The following FAAP100 variants were observed in gnomAD, a reference collection of about 807,000 sequenced individuals.
FAAP100 encodes FA core complex associated protein 100.
In FAAP100, 46 loss-of-function variants were observed where a neutral mutation model predicts 65.8. That is an observed-to-expected ratio of 0.70 (90% CI 0.55 to 0.89). The LOEUF is 0.89. FAAP100 is among the 40% of genes least tolerant of loss of function. The pLI is 0.00. For synonymous variants in FAAP100, 663 were observed against 555.1 expected (o/e 1.19, Z -2.73); for missense variants, 1,165 against 1,196.7 (o/e 0.97, Z 0.39).
At position 81,547,558 on chromosome 17, in the gene FAAP100, G is replaced by A. The variant is rs1364449855; in HGVS notation, c.1524C>T (p.Cys508=). Residue 508 remains cysteine (C), a synonymous_variant, in exon 5 of 9, where the codon TGC becomes TGT. Coordinates refer to ENST00000327787, the MANE Select transcript of FAAP100 (RefSeq NM_025161.6). ...GGCGGCTCCAGGTGGTGCTGGTGGT[G>A]CAGGAGATGGGTCTGGGGCCCGTGC... ...SSGTGPRPIS[C]TTSTTWSRLQ... 2.5e-6 allele frequency: 4 copies of A among 1,613,338 alleles called. No individual in the cohort carries two copies. The highest frequency in any genetic ancestry group is 1.7e-5 in the Admixed American group (1 of 60,014).
At chr17:81,545,708 G>A in intron 6 of FAAP100, 38 bp downstream of exon 6, 1 of 1,588,210 alleles carries the variant, frequency 6.3e-7, no homozygotes, top group Non-Finnish European at 8.6e-7. Flanking sequence ...CCCAAGAACT[G>A]CTGGTGCCGT....
In FAAP100 at chr17:81,549,325, G is replaced by A; in HGVS notation, c.1284C>T (p.Arg428=). The A allele has an allele frequency of 6.2e-7, 1 of 1,612,032 alleles. No homozygotes were observed. The highest frequency in any genetic ancestry group is 8.5e-7 in the Non-Finnish European group (1 of 1,179,550). Residue 428 remains arginine (R), a synonymous_variant, in exon 4 of 9, where the codon CGC becomes CGT. Transcript: ENST00000327787. ...CCAGGTCCAGGCTGCAGGTCATCAG[G>A]CGGCCTTTGGCGGACAGGGCCAGGA... ...TKLLALSAKG[R]LMTCSLDLDS...
rs779005382 is a variant in FAAP100 at position 81,552,035 on chromosome 17, G to A, written c.183C>T (p.Pro61=). The part of the protein sequence containing the change: ...GGLLTAAFRF[P]DQVWHLELLA... ...GCAGCTCCAGGTGCCACACCTGGTC[G>A]GGGAACCGGAACGCCGCCTGCGGAC... Residue 61 remains proline, a synonymous_variant, in exon 2 of 9, where the codon CCC becomes CCT. Coordinates refer to ENST00000327787, the MANE Select transcript of FAAP100 (RefSeq NM_025161.6). 6.5e-6 allele frequency: 10 copies of A among 1,536,080 alleles called. No homozygotes were observed. In the East Asian group the frequency reaches 1.6e-4, roughly 24 times the overall value.
intron 6 of FAAP100, among the ~76,000 whole-genome samples, chr17:81,544,701 C>G (rs779316222): frequency 3.3e-5 from 5 of 152,210 alleles, no homozygotes; most frequent in Non-Finnish European, 7.3e-5. Context: ...ACACACAGCA[C>G]AAGAGGTGAG....
chr17:81,540,213 A>T lies in FAAP100; in HGVS notation c.*606T>A. On this transcript the variant is annotated 3_prime_UTR_variant, in exon 9 of 9. Coordinates refer to ENST00000327787, the MANE Select transcript of FAAP100 (RefSeq NM_025161.6). Reference sequence around the variant, plus strand: ...TGGCCCTTCCTTGGTGTGGCACGAGACCACGGGCACTTGCAGGAGCTCCCT... The same window carrying T: ...TGGCCCTTCCTTGGTGTGGCACGAGTCCACGGGCACTTGCAGGAGCTCCCT... 1 of 398,982 alleles carries T rather than the reference A, an allele frequency of 2.5e-6. No homozygotes were observed. The highest frequency in any genetic ancestry group is 3.6e-5 in the East Asian group (1 of 28,072). 24.7% of individuals were successfully genotyped at this position (398,982 alleles called of 1,614,324 possible).
Position 81,547,137 on chromosome 17 carries a change from T to A in FAAP100, c.1945A>T (p.Met649Leu). 6.5e-7 allele frequency: 1 copy of A among 1,533,970 alleles called. No individual in the cohort carries two copies. Among genetic ancestry groups the A allele is most frequent in the Non-Finnish European group, 8.8e-7 (1 of 1,139,498 alleles). ...CCAGGGAAGCGCAGACACTGCAGCA[T>A]GTCCACTGTGTGCCTGCTCAGGGGC... is the stretch of plus-strand genomic sequence containing the variant. Reference protein sequence around the residue: ...CLPLSRHTVDMLQCLRFPGLA... With the variant: ...CLPLSRHTVDLLQCLRFPGLA... Residue 649 changes from methionine to leucine, a missense_variant, in exon 5 of 9, where the codon ATG becomes TTG. Coordinates refer to ENST00000327787, the MANE Select transcript of FAAP100 (RefSeq NM_025161.6).
chr17:81,545,716 C>T (rs746461937), intron 6 of FAAP100, 30 bp downstream of exon 6: 16 of 1,594,256 alleles, frequency 1.0e-5, no homozygotes, highest in South Asian at 7.9e-5. Context: ...CTGCTGGTGC[C>T]GTGGCTCGTT....
intron 4 of FAAP100, 132 bp downstream of exon 4, chr17:81,549,060 AAAAAAAAAAAAAAG>A (rs1268705857): frequency 5.4e-6 from 4 of 740,070 alleles, no homozygotes; most frequent in Non-Finnish European, 4.0e-6. Context: ...AAAAAAAAAA[AAAAAAAAAAAAAAG>A]AGGCCAAGTA....
In FAAP100 at chr17:81,549,250, C is replaced by T. The variant is rs2039741958; in HGVS notation, c.1359G>A (p.Gln453=). 1 of 1,613,110 alleles carries T rather than the reference C, an allele frequency of 6.2e-7. No individual in the cohort carries two copies. Among genetic ancestry groups the T allele is most frequent in the Non-Finnish European group, 8.5e-7 (1 of 1,179,994 alleles). Residue 453 remains glutamine (Q), a synonymous_variant, in exon 4 of 9, where the codon CAG becomes CAA. Coordinates refer to ENST00000327787, the MANE Select transcript of FAAP100 (RefSeq NM_025161.6). The stretch of plus-strand genomic sequence containing the variant: ...TTCCAGACAGCAGCTCCTTTATTTT[C>T]TGACCTGCACTCTCTGTGGTCATCC... ...PARMTTESAG[Q]KIKELLSGIG...
chr17:81,540,050 A>C lies in FAAP100; in HGVS notation c.*769T>G, dbSNP rs989495891. Reference sequence around the variant, plus strand: ...GGGCCGTAGCCCAGGCTGAGGGAGGAGGCTGGGGGCTGGGGCTCAGGGCCC... The same window carrying C: ...GGGCCGTAGCCCAGGCTGAGGGAGGCGGCTGGGGGCTGGGGCTCAGGGCCC... On this transcript the variant is annotated 3_prime_UTR_variant, in exon 9 of 9. Transcript: ENST00000327787. 2.5e-6 allele frequency: 1 copy of C among 393,676 alleles called. No homozygotes were observed. The highest frequency in any genetic ancestry group is 4.5e-6 in the Non-Finnish European group (1 of 224,604). The allele number at this position is 393,676 out of a possible 1,614,324, so 24.4% of individuals were successfully genotyped here. A position where few individuals can be genotyped will look rare whatever the true frequency, so the allele number is the denominator to read the frequency against.
rs755287879 is a variant in FAAP100, at chr17:81,550,792, G to A, written c.702C>T (p.Thr234=). The A allele has an allele frequency of 6.8e-6, 11 of 1,612,618 alleles. No homozygotes were observed. Among genetic ancestry groups the A allele is most frequent in the African/African-American group, 2.7e-5 (2 of 74,946 alleles). The change falls in exon 3 of 9, where the codon ACC becomes ACT. Residue 234 remains threonine (T), a synonymous_variant. Coordinates refer to ENST00000327787, the MANE Select transcript of FAAP100 (RefSeq NM_025161.6). The part of the protein sequence containing the change: ...LFGLLFGADA[T]LLQSPVVLCG... ...AGAGGACCACAGGTGACTGCAGGAG[G>A]GTGGCATCAGCTCCAAAGAGGAGCC...
At chr17:81,543,561 G>T (rs1439690449) in intron 7 of FAAP100, among the ~76,000 whole-genome samples, 1 of 152,108 alleles carries the variant, frequency 6.6e-6, no homozygotes, top group Non-Finnish European at 1.5e-5. Flanking sequence ...GGCTGTGAGT[G>T]GGGGGAACTG....
rs147194981 is a variant in FAAP100, at chr17:81,549,281, G to A, written c.1328C>T (p.Pro443Leu). The A allele has an allele frequency of 9.9e-6, 16 of 1,613,026 alleles. No homozygotes were observed. In the African/African-American group the frequency reaches 1.9e-4, roughly 19 times the overall value. Residue 443 changes from proline to leucine, a missense_variant, in exon 4 of 9, where the codon CCA becomes CTA. Physicochemically the swap from Pro to Leu is moderately conservative, Grantham distance 98. Coordinates refer to ENST00000327787, the MANE Select transcript of FAAP100 (RefSeq NM_025161.6). ...TGCACTCTCTGTGGTCATCCTGGCT[G>A]GGCCAGGCATCTCAGAGTCCAGGTC... ...SLDLDSEMPGPARMTTESAGQ... is the reference protein window; with the variant it reads ...SLDLDSEMPGLARMTTESAGQ...
At chr17:81,551,672 G>C in intron 2 of FAAP100, 1 of 1,305,392 alleles carries the variant, frequency 7.7e-7, no homozygotes, top group Non-Finnish European at 9.7e-7. Flanking sequence ...CGGGCCACCA[G>C]GGCCCAAAGG....
At chr17:81,541,708 C>A (rs180753054) in intron 7 of FAAP100, among the ~76,000 whole-genome samples, 1 of 152,302 alleles carries the variant, frequency 6.6e-6, no homozygotes, top group East Asian at 1.9e-4. Context: ...CTGCCTACCG[C>A]CCCCTTCTCC....
chr17:81,548,908 C>T (rs1212858277), intron 4 of FAAP100, among the ~76,000 whole-genome samples: 1 of 151,754 alleles, frequency 6.6e-6, no homozygotes, highest in Non-Finnish European at 1.5e-5. Flanking sequence ...GGCGTGGTGG[C>T]GGGCGCCTGT....
At position 81,550,931 on chromosome 17, in the gene FAAP100, G is replaced by C. The variant is rs1450896741; in HGVS notation, c.563C>G (p.Pro188Arg). 6.2e-7 allele frequency: 1 copy of C among 1,612,370 alleles called. No individual in the cohort carries two copies. Residue 188 changes from proline to arginine, a missense_variant, in exon 3 of 9, where the codon CCT (proline) becomes CGT (arginine). Pro to Arg is a moderately radical substitution (Grantham distance 103). Transcript: ENST00000327787. ...CACTGGAAGGAAGTGGGGGGCTGCA[G>C]GCTTTCCTGGGACCCCGGCTGGGGG... ...YTPPAGVPGK[P>R]AAPHFLPVLC...
chr17:81,552,274 C>T lies in FAAP100; in HGVS notation c.57G>A (p.Gly19=). The change falls in exon 1 of 9, where the codon GGG becomes GGA. Residue 19 remains glycine, a synonymous_variant. Coordinates refer to ENST00000327787, the MANE Select transcript of FAAP100 (RefSeq NM_025161.6). ...RYLAGFCCPL[G]GLAAGKPRVL... is the part of the protein sequence containing the mutation. ...CGCGGGGCTTGCCCGCCGCCAGGCC[C>T]CCGAGAGGGCAGCAGAAGCCCGCCA... The T allele has an allele frequency of 6.8e-7, 1 of 1,474,824 alleles. No homozygotes were observed. 91.4% of individuals were successfully genotyped at this position (1,474,824 alleles called of 1,614,324 possible).
chr17:81,548,848 G>A (rs560538223), intron 4 of FAAP100, among the ~76,000 whole-genome samples: 4 of 151,798 alleles, frequency 2.6e-5, no homozygotes, highest in South Asian at 4.2e-4. Flanking sequence ...GACCATCTTG[G>A]CTAACAAGGT....
Sources: gnomAD v4.1 joint callset for allele counts (sites outside exome capture counted in the v4.1 genomes callset) on GRCh38, gnomAD v4.1.1 for gene constraint, MANE v1.5 for transcripts, NCBI Gene and HGNC (gene_info 2026-07-23, HGNC 2026-07-21) for gene names.